TRIM67: variants seen among roughly 807,000 people sequenced by gnomAD.
TRIM67 encodes the protein tripartite motif containing 67.
TRIM67 carries 39 observed loss-of-function variants against 71.0 expected under a neutral mutation model. The ratio of observed to expected loss-of-function variants is 0.55; its 90% confidence interval spans 0.43 to 0.72. The LOEUF (loss-of-function observed/expected upper bound fraction) is 0.72, where lower values mean the gene tolerates loss of function less well. Ranked by LOEUF, TRIM67 falls within the 30% of genes least tolerant of loss-of-function variation. The pLI is 0.00. For synonymous variants in TRIM67, 481 were observed against 473.9 expected, an observed-to-expected ratio of 1.01 and a Z score of -0.19; for missense variants, 973 against 1,079.2, an observed-to-expected ratio of 0.90 and a Z score of 1.38.
At chr1:231,205,290 T>C (rs995872080) in intron 6 of TRIM67, among the ~76,000 whole-genome samples, 1 of 152,220 alleles carries the variant, frequency 6.6e-6, no homozygotes, top group Admixed American at 6.5e-5. Flanking sequence ...GGCTCCTATA[T>C]GGATTAGCTG....
intron 3 of TRIM67, 94 bp from the exon 4 acceptor site, chr1:231,200,046 GCCTCTTCC>G: frequency 5.9e-6 from 5 of 845,124 alleles, no homozygotes; most frequent in Admixed American, 1.8e-5. Context: ...GGCCAGCGCC[GCCTCTTCC>G]AGGCTGTATT....
At chr1:231,187,731 G>A (rs566646920) in intron 1 of TRIM67, 19 of 638,486 alleles carry the variant, frequency 3.0e-5, no homozygotes, top group South Asian at 1.0e-4. Context: ...AGGAAGCCAC[G>A]TGGCTGGGTA....
intron 6 of TRIM67, among the ~76,000 whole-genome samples, chr1:231,206,002 G>T (rs926883995): frequency 6.6e-6 from 1 of 152,188 alleles, no homozygotes; most frequent in Non-Finnish European, 1.5e-5. Flanking sequence ...ATCACGCCTC[G>T]CCGCCTCGCA....
rs879522020 is a variant in TRIM67 at position 231,209,572 on chromosome 1, T to C, written c.2123+322T>C. On this transcript the variant is annotated intron_variant, in intron 8 of 9. Coordinates refer to ENST00000366653, the MANE Select transcript of TRIM67 (RefSeq NM_001004342.5). This position sits in a 1 kb window ranked among gnomAD's most constrained non-coding sequence, Gnocchi z 4.1. ...TTCTGGTACGGCTTCACTTTCCTTT[T>C]CAACTGTCAACCCAAGCTTGGGTTG... is the stretch of plus-strand genomic sequence containing the variant. Among the ~76,000 whole-genome samples, 1 of 152,184 alleles carries C rather than the reference T, an allele frequency of 6.6e-6. No individual in the cohort carries two copies. Among genetic ancestry groups the C allele is most frequent in the Admixed American group, 6.5e-5 (1 of 15,292 alleles).
At chr1:231,166,545 T>TTTG (rs3830895) in intron 1 of TRIM67, among the ~76,000 whole-genome samples, 2 of 151,354 alleles carry the variant, frequency 1.3e-5, no homozygotes, top group South Asian at 2.1e-4. Flanking sequence ...GTCTCTGGAT[T>TTTG]TTGTTGTTGT....
At chr1:231,188,677 C>T (rs187353482) in intron 1 of TRIM67, among the ~76,000 whole-genome samples, 39 of 152,348 alleles carry the variant, frequency 2.6e-4, no homozygotes, top group African/African-American at 9.1e-4. Context: ...CAAATTACTT[C>T]CCCTCTCGAG....
chr1:231,178,201 C>T (rs1466294238), intron 1 of TRIM67, among the ~76,000 whole-genome samples: 2 of 152,174 alleles, frequency 1.3e-5, no homozygotes, highest in Non-Finnish European at 2.9e-5. Context: ...GTTGGCATGA[C>T]TTTTCCCAGA....
At chr1:231,166,797 A>C (rs1241989788) in intron 1 of TRIM67, among the ~76,000 whole-genome samples, 1 of 152,212 alleles carries the variant, frequency 6.6e-6, no homozygotes, top group East Asian at 1.9e-4. Flanking sequence ...AGTGTAAAAA[A>C]CTTTAGGTCT....
rs570154876 is a variant in TRIM67 at position 231,203,974 on chromosome 1, A to G, written c.1642A>G (p.Ile548Val). 3 of 1,613,902 alleles carry G rather than the reference A, an allele frequency of 1.9e-6. No homozygotes were observed. In the African/African-American group the frequency reaches 4.0e-5, roughly 22 times the overall value. Residue 548 changes from isoleucine (I) to valine (V), a missense_variant, in exon 6 of 10, where the codon ATC (isoleucine) becomes GTC (valine). Around this residue, in one of 2 missense-constraint regions of TRIM67, gnomAD observed 795 missense variants for 831.3 expected, o/e 0.96. Transcript: ENST00000366653. ...PFTHSPVDGY[I>V]LELDDGAGGQ... ...CACCCACAGCCCCGTGGACGGCTAC[A>G]TCCTGGAGCTGGACGACGGTGCCGG...
intron 6 of TRIM67, 135 bp from the exon 7 acceptor site, chr1:231,206,517 A>T (rs1683702330): frequency 1.2e-6 from 1 of 815,912 alleles, no homozygotes; most frequent in African/African-American, 1.8e-5. Flanking sequence ...CGATGCTCCC[A>T]CCTCAGCTTC....
In TRIM67 at chr1:231,217,588, T is replaced by TGA. The variant is rs1684047182; in HGVS notation, c.*2149_*2150dup. The TGA allele has an allele frequency of 3.8e-6, 4 of 1,056,634 alleles. No homozygotes were observed. Among genetic ancestry groups the TGA allele is most frequent in the Non-Finnish European group, 4.6e-6 (4 of 870,502 alleles). The allele number at this position is 1,056,634 out of a possible 1,614,324, so 65.5% of individuals were successfully genotyped here. A position where few individuals can be genotyped will look rare whatever the true frequency, so the allele number is the denominator to read the frequency against. ...CTTTGGGAAGTGTCTAGCTCTCTTC[T>TGA]GAAAAAAAAACAGGCCTACACCCTG... is the stretch of plus-strand genomic sequence containing the variant. On this transcript the variant is annotated 3_prime_UTR_variant, in exon 10 of 10. Transcript: ENST00000366653.
At chr1:231,170,618 A>C (rs1682597420) in intron 1 of TRIM67, among the ~76,000 whole-genome samples, 1 of 152,240 alleles carries the variant, frequency 6.6e-6, no homozygotes, top group South Asian at 2.1e-4. Context: ...GAAATCAACA[A>C]TATAGAGTGT....
At position 231,218,595 on chromosome 1, in the gene TRIM67, C is replaced by G; in HGVS notation, c.*3155C>G. On this transcript the variant is annotated 3_prime_UTR_variant, in exon 10 of 10. Coordinates refer to ENST00000366653, the MANE Select transcript of TRIM67 (RefSeq NM_001004342.5). ...TTTCCCCAAAGCCTGCTTTTCCTCT[C>G]TCTGTTCTCCTTGGGAAAATAATGA... The G allele has an allele frequency of 2.0e-6, 2 of 985,486 alleles. No homozygotes were observed. Among genetic ancestry groups the G allele is most frequent in the Non-Finnish European group, 2.4e-6 (2 of 829,954 alleles). The allele number at this position is 985,486 out of a possible 1,614,324, so 61.0% of individuals were successfully genotyped here. A position where few individuals can be genotyped will look rare whatever the true frequency, so the allele number is the denominator to read the frequency against.
chr1:231,181,487 G>A (rs780326486), intron 1 of TRIM67, among the ~76,000 whole-genome samples: 6 of 152,160 alleles, frequency 3.9e-5, no homozygotes, highest in Non-Finnish European at 8.8e-5. Context: ...TTACTGCAGC[G>A]TCACTAGCTT....
chr1:231,178,176 A>T (rs1021908833), intron 1 of TRIM67, among the ~76,000 whole-genome samples: 2 of 152,212 alleles, frequency 1.3e-5, no homozygotes, highest in African/African-American at 4.8e-5. Flanking sequence ...ACATGAAAAA[A>T]GCTGGCTGGG....
chr1:231,187,518 T>A, intron 1 of TRIM67: 1 of 1,531,180 alleles, frequency 6.5e-7, no homozygotes, highest in Non-Finnish European at 8.7e-7. Context: ...AAACAATACC[T>A]TAGCACTGAG....
At chr1:231,194,166 A>AGGAG (rs1241927590) in intron 1 of TRIM67, among the ~76,000 whole-genome samples, 2 of 152,140 alleles carry the variant, frequency 1.3e-5, no homozygotes, top group African/African-American at 4.8e-5. Flanking sequence ...TGACCAAGAG[A>AGGAG]GGAGGGGCCA....
In TRIM67 at chr1:231,209,263, C is replaced by T; in HGVS notation, c.2123+13C>T. The T allele has an allele frequency of 6.6e-7, 1 of 1,525,068 alleles. No individual in the cohort carries two copies. The highest frequency in any genetic ancestry group is 8.8e-7 in the Non-Finnish European group (1 of 1,130,798). 94.5% of individuals were successfully genotyped at this position (1,525,068 alleles called of 1,614,324 possible). A position where few individuals can be genotyped will look rare whatever the true frequency, so the allele number is the denominator to read the frequency against. ...CCCACACCAACAGGTGCGATTGGGC[C>T]CCATCCTGCCTCCCGTGGACACAGG... On this transcript the variant is annotated intron_variant, in intron 8 of 9. Transcript: ENST00000366653. The surrounding 1 kb of genome is among the most constrained non-coding windows in gnomAD (Gnocchi z 4.1).
In TRIM67 at chr1:231,217,387, A is replaced by C; in HGVS notation, c.*1947A>C. 1.0e-6 allele frequency: 1 copy of C among 986,584 alleles called. No homozygotes were observed. The highest frequency in any genetic ancestry group is 1.2e-6 in the Non-Finnish European group (1 of 830,772). 61.1% of individuals were successfully genotyped at this position (986,584 alleles called of 1,614,324 possible). A position where few individuals can be genotyped will look rare whatever the true frequency, so the allele number is the denominator to read the frequency against. On this transcript the variant is annotated 3_prime_UTR_variant, in exon 10 of 10. Coordinates refer to ENST00000366653, the MANE Select transcript of TRIM67 (RefSeq NM_001004342.5). The stretch of plus-strand genomic sequence containing the variant: ...CCTGTCCAGAGCTCTTGGTGGTGAC[A>C]CACAAGACCTGGGACCCTGTGTCCT...
Sources: gnomAD v4.1 joint callset for allele counts (sites outside exome capture counted in the v4.1 genomes callset) on GRCh38, gnomAD v4.1.1 for gene constraint, gnomAD v4.1.1 regional missense constraint, Gnocchi (gnomAD v3.1) non-coding constraint, MANE v1.5 for transcripts, NCBI Gene and HGNC (gene_info 2026-07-23, HGNC 2026-07-21) for gene names.